ATP2B2: variants seen among roughly 807,000 people sequenced by gnomAD.
ATP2B2 encodes plasma membrane calcium-transporting ATPase 2.
ATP2B2 carries 15 observed loss-of-function variants against 120.0 expected under a neutral mutation model. That is an observed-to-expected ratio of 0.12 (90% confidence interval 0.08 to 0.19). ATP2B2 has a LOEUF of 0.19. Among genes scored for constraint, ATP2B2 ranks in the 10% least tolerant of loss-of-function variants. The pLI, the probability that ATP2B2 is intolerant of heterozygous loss-of-function variation, is 1.00. For synonymous variants in ATP2B2, 694 were observed against 700.3 expected (o/e 0.99, Z 0.14); for missense variants, 1,045 against 1,719.8 (o/e 0.61, Z 6.94).
At position 10,402,476 on chromosome 3, in the gene ATP2B2, T is replaced by C; in HGVS notation, c.398-128A>G. On this transcript the variant is annotated intron_variant, in intron 3 of 22. Coordinates refer to ENST00000360273, the MANE Select transcript of ATP2B2 (RefSeq NM_001001331.4). The surrounding 1 kb of genome is among the most constrained non-coding windows in gnomAD (Gnocchi z 4.9). ...AATCAGATGATAATTATCCACTTAC[T>C]CAGTGTGTCTGGGTACCAAGCCCTG... is the stretch of plus-strand genomic sequence containing the variant. 3 of 1,371,602 alleles carry C rather than the reference T, an allele frequency of 2.2e-6. No individual in the cohort carries two copies. Among genetic ancestry groups the C allele is most frequent in the Non-Finnish European group, 3.1e-6 (3 of 980,524 alleles). The allele number at this position is 1,371,602 out of a possible 1,614,324, so 85.0% of individuals were successfully genotyped here.
intron 1 of ATP2B2, among the ~76,000 whole-genome samples, chr3:10,496,043 T>C (rs1368614225): frequency 6.6e-6 from 1 of 152,250 alleles, no homozygotes; most frequent in Middle Eastern, 3.2e-3. Context: ...TTGCATTCTA[T>C]GCCCTCTTCA....
At chr3:10,586,134 C>T (rs1348235841) in intron 2 of ATP2B2, among the ~76,000 whole-genome samples, 1 of 152,182 alleles carries the variant, frequency 6.6e-6, no homozygotes, top group Non-Finnish European at 1.5e-5. Context: ...TTGTTTACTT[C>T]TGACCGAAGC....
intron 2 of ATP2B2, among the ~76,000 whole-genome samples, chr3:10,599,907 C>T (rs1432454150): frequency 6.6e-6 from 1 of 152,178 alleles, no homozygotes; most frequent in African/African-American, 2.4e-5. Flanking sequence ...TACCTGGATT[C>T]TGGAGGGCTT....
At chr3:10,530,204 G>A (rs572532233) in intron 3 of ATP2B2, among the ~76,000 whole-genome samples, 9 of 152,302 alleles carry the variant, frequency 5.9e-5, no homozygotes, top group African/African-American at 1.4e-4. Context: ...TGTTCCCACC[G>A]GGGACCACCA....
intron 8 of ATP2B2, 79 bp downstream of exon 8, chr3:10,385,189 G>T (rs939532153): frequency 7.0e-7 from 1 of 1,419,318 alleles, no homozygotes; most frequent in African/African-American, 1.4e-5. Context: ...TCCAGAACAA[G>T]GAAAGAAAGC....
chr3:10,690,614 T>G (rs556780925), intron 1 of ATP2B2, among the ~76,000 whole-genome samples: 2 of 152,290 alleles, frequency 1.3e-5, no homozygotes, highest in East Asian at 3.9e-4. Context: ...TTAAACGGCA[T>G]GAGGCAGATG....
intron 2 of ATP2B2, among the ~76,000 whole-genome samples, chr3:10,611,174 G>A (rs1424605406): frequency 6.6e-6 from 1 of 152,230 alleles, no homozygotes; most frequent in East Asian, 1.9e-4. Context: ...GAATGAGGGT[G>A]TGACTCCTGG....
Position 10,345,788 on chromosome 3 carries a change from C to G in ATP2B2, c.2512-213G>C, listed in dbSNP as rs967876972. ...AGCCTCACCCTGGCCCCCTCTCCCC[C>G]TCTGTTATCTTCCTCCTCAGCCTGC... On this transcript the variant is annotated intron_variant, in intron 17 of 22. Transcript: ENST00000360273. Among the ~76,000 whole-genome samples the G allele has an allele frequency of 4.0e-4, 61 of 152,314 alleles. No individual in the cohort carries two copies. The East Asian group carries it at 0.01, about 26-fold the overall frequency.
intron 1 of ATP2B2, among the ~76,000 whole-genome samples, chr3:10,628,870 C>T (rs886290876): frequency 5.9e-5 from 9 of 152,234 alleles, no homozygotes; most frequent in African/African-American, 2.2e-4. Context: ...TTCCTGGGAA[C>T]TTCTGGTCAC....
In ATP2B2 at chr3:10,359,927, C is replaced by G; in HGVS notation, c.1856G>C (p.Ser619Thr). Residue 619 changes from serine (S) to threonine (T), a missense_variant, in exon 13 of 23, where the codon AGC becomes ACC. Coordinates refer to ENST00000360273, the MANE Select transcript of ATP2B2 (RefSeq NM_001001331.4). The part of the protein sequence containing the change: ...MSTVIKLPDE[S>T]FRMYSKGASE... The stretch of plus-strand genomic sequence containing the variant: ...AGCCCCCTTGCTGTACATGCGGAAG[C>G]TCTCGTCGGGCAGCTTGATGACAGT... 6.2e-7 allele frequency: 1 copy of G among 1,614,234 alleles called. No individual in the cohort carries two copies. Among genetic ancestry groups the G allele is most frequent in the Non-Finnish European group, 8.5e-7 (1 of 1,180,040 alleles).
intron 2 of ATP2B2, among the ~76,000 whole-genome samples, chr3:10,411,350 C>T (rs1169942057): frequency 6.6e-6 from 1 of 152,130 alleles, no homozygotes; most frequent in Non-Finnish European, 1.5e-5. Flanking sequence ...TGACCTCTGG[C>T]CTCGAGTCAT....
chr3:10,345,372 C>T lies in ATP2B2; in HGVS notation c.2703+12G>A, dbSNP rs2060401876. On this transcript the variant is annotated intron_variant, in intron 18 of 22. Coordinates refer to ENST00000360273, the MANE Select transcript of ATP2B2 (RefSeq NM_001001331.4). ...CTCCCCCAGGCTTTGGTGTGGTCTC[C>T]TGCGGACCCACCTGCGTGATGCAGG... 1.2e-6 allele frequency: 2 copies of T among 1,614,030 alleles called. No homozygotes were observed. The highest frequency in any genetic ancestry group is 1.3e-5 in the African/African-American group (1 of 74,948).
rs913284654 is a variant in ATP2B2, at chr3:10,343,026, G to A, written c.2704-61C>T. Reference sequence around the variant, plus strand: ...CCCACCTGCTGCTGTGAAGTGCTGGGCGGGCTCATGGTGTAGTGTCCGCAG... The same window carrying A: ...CCCACCTGCTGCTGTGAAGTGCTGGACGGGCTCATGGTGTAGTGTCCGCAG... On this transcript the variant is annotated intron_variant, in intron 18 of 22. Coordinates refer to ENST00000360273, the MANE Select transcript of ATP2B2 (RefSeq NM_001001331.4). The surrounding 1 kb of genome is among the most constrained non-coding windows in gnomAD (Gnocchi z 4.2). The A allele has an allele frequency of 2.3e-5, 36 of 1,568,774 alleles. No homozygotes were observed. The Admixed American group carries it at 5.9e-4, about 26-fold the overall frequency.
rs3774136 is a variant in ATP2B2 at position 10,444,545 on chromosome 3, G to T, written c.199+4800C>A. 3.3e-4 allele frequency among the ~76,000 whole-genome samples: 50 copies of T among 152,288 alleles called. 2 individuals are homozygous for T. The East Asian group carries it at 9.4e-3, about 29-fold the overall frequency. On this transcript the variant is annotated intron_variant, in intron 2 of 22. Coordinates refer to ENST00000360273, the MANE Select transcript of ATP2B2 (RefSeq NM_001001331.4). ...GGGATTCATACAAAATTAACCGGAG[G>T]TTCCGTTTCACAGCACTCTGCAGTA...
At chr3:10,425,684 T>C (rs2063125727) in intron 2 of ATP2B2, among the ~76,000 whole-genome samples, 2 of 152,190 alleles carry the variant, frequency 1.3e-5, no homozygotes, top group South Asian at 4.1e-4. Context: ...TCCTGCCTCC[T>C]GTACCTGTTA....
At chr3:10,466,524 T>C (rs115413962) in intron 1 of ATP2B2, among the ~76,000 whole-genome samples, 4,912 of 152,250 alleles carry the variant, frequency 0.032, 91 homozygotes, top group Middle Eastern at 0.061. Flanking sequence ...GGTCTTAGTG[T>C]CTCAGTTTGG....
At chr3:10,387,951 G>C in intron 6 of ATP2B2, 1 of 381,952 alleles carries the variant, frequency 2.6e-6, no homozygotes, top group Non-Finnish European at 5.0e-6. Context: ...ATACTGGAGT[G>C]ATGATGGGAC....
intron 3 of ATP2B2, among the ~76,000 whole-genome samples, chr3:10,406,192 C>T (rs1575138454): frequency 6.6e-6 from 1 of 152,166 alleles, no homozygotes; most frequent in Non-Finnish European, 1.5e-5. Flanking sequence ...GCTTTTATAC[C>T]CCCTCACTCC....
In ATP2B2 at chr3:10,378,512, A is replaced by C. The variant is rs1360194066; in HGVS notation, c.1043-102T>G. On this transcript the variant is annotated intron_variant, in intron 9 of 22. Coordinates refer to ENST00000360273, the MANE Select transcript of ATP2B2 (RefSeq NM_001001331.4). ...CGCTGGCACCCACCCCTGCCTGCCCAGGGTAGGTGCTGACTGCCTGGACTG... is the reference window on the plus strand; with the variant it reads ...CGCTGGCACCCACCCCTGCCTGCCCCGGGTAGGTGCTGACTGCCTGGACTG... 2.7e-6 allele frequency: 4 copies of C among 1,500,480 alleles called. No homozygotes were observed. In the African/African-American group the frequency reaches 4.1e-5, roughly 15 times the overall value. 92.9% of individuals were successfully genotyped at this position (1,500,480 alleles called of 1,614,324 possible).
Sources: gnomAD v4.1 joint callset for allele counts (sites outside exome capture counted in the v4.1 genomes callset) on GRCh38, gnomAD v4.1.1 for gene constraint, Gnocchi (gnomAD v3.1) non-coding constraint, MANE v1.5 for transcripts, NCBI Gene and HGNC (gene_info 2026-07-23, HGNC 2026-07-21) for gene names.